NRCAM: variants seen among roughly 807,000 people sequenced by gnomAD.
NRCAM encodes the protein neuronal cell adhesion molecule.
NRCAM carries 83 observed loss-of-function variants against 156.5 expected under a neutral mutation model. That is an observed-to-expected ratio of 0.53 (90% CI 0.44 to 0.64). NRCAM has a LOEUF of 0.64. Ranked by LOEUF, NRCAM falls within the 30% of genes least tolerant of loss-of-function variation. The pLI is 0.00. For missense variants in NRCAM, 1,417 were observed against 1,597.3 expected (o/e 0.89, Z 1.92); for synonymous variants, 538 against 563.9 (o/e 0.95, Z 0.65).
chr7:108,182,045 T>C (rs1243452458), intron 23 of NRCAM, 108 bp from the exon 24 acceptor site: 1 of 718,280 alleles, frequency 1.4e-6, no homozygotes. Context: ...GCAGACCTAT[T>C]CTATGGATTA....
chr7:108,347,604 A>T (rs989786656), intron 2 of NRCAM, among the ~76,000 whole-genome samples: 7 of 152,212 alleles, frequency 4.6e-5, no homozygotes. Context: ...CCTTCTAAGG[A>T]TGTATATATT....
Position 108,148,753 on chromosome 7 carries a change from G to T in NRCAM, c.*1157C>A, listed in dbSNP as rs559845059. 1 of 152,516 alleles carries T rather than the reference G, an allele frequency of 6.6e-6. No individual in the cohort carries two copies. The highest frequency in any genetic ancestry group is 1.5e-5 in the Non-Finnish European group (1 of 68,024). 9.4% of individuals were successfully genotyped at this position (152,516 alleles called of 1,614,324 possible). ...ATGCTGTTGTATGCTTTTAGTGTTGGAATAACTTAGTTTTAAAATTAATTT... is the reference window on the plus strand; with the variant it reads ...ATGCTGTTGTATGCTTTTAGTGTTGTAATAACTTAGTTTTAAAATTAATTT... On this transcript the variant is annotated 3_prime_UTR_variant, in exon 33 of 33. Transcript: ENST00000379028.
At chr7:108,298,265 G>A (rs1329815010) in intron 3 of NRCAM, among the ~76,000 whole-genome samples, 1 of 151,984 alleles carries the variant, frequency 6.6e-6, no homozygotes, top group Non-Finnish European at 1.5e-5. Context: ...TAAGCAGGTG[G>A]GGGATATATG....
At chr7:108,186,586 A>G (rs1057321262) in intron 20 of NRCAM, among the ~76,000 whole-genome samples, 2 of 151,974 alleles carry the variant, frequency 1.3e-5, no homozygotes, top group Middle Eastern at 3.4e-3. Flanking sequence ...GTAGTTCCCA[A>G]ACTTTCTCGG....
At chr7:108,202,199 C>T (rs1313476524) in intron 13 of NRCAM, among the ~76,000 whole-genome samples, 2 of 152,104 alleles carry the variant, frequency 1.3e-5, no homozygotes, top group Non-Finnish European at 1.5e-5. Flanking sequence ...AAGATAAGGT[C>T]CAGAACTGGG....
chr7:108,207,308 A>T, intron 13 of NRCAM: 1 of 379,308 alleles, frequency 2.6e-6, no homozygotes, highest in Non-Finnish European at 4.7e-6. Context: ...ATTGCCAAGT[A>T]CCAGTCATCA....
chr7:108,182,090 T>G (rs868283088), intron 23 of NRCAM, among the ~76,000 whole-genome samples, 153 bp from the exon 24 acceptor site: 2 of 130,270 alleles, frequency 1.5e-5, no homozygotes, highest in African/African-American at 5.5e-5. Flanking sequence ...GGTATCTGTT[T>G]GACTTTGTGA....
At chr7:108,279,582 G>A (rs1403164873) in intron 3 of NRCAM, among the ~76,000 whole-genome samples, 3 of 151,798 alleles carry the variant, frequency 2.0e-5, no homozygotes, top group Non-Finnish European at 4.4e-5. Flanking sequence ...GCAGTGGTGC[G>A]ATAATAGCTC....
intron 2 of NRCAM, among the ~76,000 whole-genome samples, chr7:108,334,176 G>A (rs1467532899): frequency 6.6e-6 from 1 of 152,130 alleles, no homozygotes; most frequent in Non-Finnish European, 1.5e-5. Context: ...TTATGGATGT[G>A]CCATTACACA....
intron 2 of NRCAM, among the ~76,000 whole-genome samples, chr7:108,366,829 T>C (rs1479038222): frequency 1.3e-5 from 2 of 152,216 alleles, no homozygotes; most frequent in Admixed American, 6.5e-5. Flanking sequence ...CACCATACTA[T>C]ATTATAATGA....
intron 17 of NRCAM, among the ~76,000 whole-genome samples, chr7:108,193,298 G>C (rs929234167): frequency 6.6e-6 from 1 of 152,212 alleles, no homozygotes; most frequent in Non-Finnish European, 1.5e-5. Flanking sequence ...TCATTGACAA[G>C]CAACAGGGCA....
chr7:108,341,502 C>T (rs911782789), intron 2 of NRCAM, among the ~76,000 whole-genome samples: 2 of 152,164 alleles, frequency 1.3e-5, no homozygotes, highest in Non-Finnish European at 2.9e-5. Context: ...CCTGAAAGCC[C>T]CACTCCCTTG....
chr7:108,419,846 G>A (rs974102036), intron 1 of NRCAM, among the ~76,000 whole-genome samples: 1 of 152,180 alleles, frequency 6.6e-6, no homozygotes, highest in Admixed American at 6.5e-5. Flanking sequence ...GGGTGAGGGT[G>A]TCCAGTAGGC....
At chr7:108,199,523 G>A (rs1028362501) in intron 13 of NRCAM, among the ~76,000 whole-genome samples, 3 of 152,186 alleles carry the variant, frequency 2.0e-5, no homozygotes, top group Admixed American at 2.0e-4. Context: ...AAGGTTCTAG[G>A]GGAGAATCCA....
At chr7:108,327,702 A>T (rs987638254) in intron 2 of NRCAM, among the ~76,000 whole-genome samples, 3 of 152,122 alleles carry the variant, frequency 2.0e-5, no homozygotes, top group Admixed American at 6.5e-5. Context: ...GATATTTTTT[A>T]AAAAATGTGT....
chr7:108,311,328 G>A (rs906734474), intron 3 of NRCAM, among the ~76,000 whole-genome samples: 2 of 152,114 alleles, frequency 1.3e-5, no homozygotes, highest in Non-Finnish European at 2.9e-5. Flanking sequence ...CTGTCAGAAT[G>A]GATGGTACTT....
chr7:108,299,105 C>CAAA (rs1292917918), intron 3 of NRCAM, among the ~76,000 whole-genome samples: 12 of 16,962 alleles, frequency 7.1e-4, no homozygotes, highest in African/African-American at 1.4e-3. Flanking sequence ...GACTCCATCT[C>CAAA]AAAAAAAAAA....
At chr7:108,348,370 G>T (rs189834978) in intron 2 of NRCAM, among the ~76,000 whole-genome samples, 39 of 152,254 alleles carry the variant, frequency 2.6e-4, no homozygotes, top group African/African-American at 8.9e-4. Flanking sequence ...GCTGAGCCTG[G>T]GGGTTGTGAG....
intron 2 of NRCAM, among the ~76,000 whole-genome samples, chr7:108,368,232 C>CG (rs58646012): frequency 3.4e-5 from 3 of 89,136 alleles, no homozygotes; most frequent in Non-Finnish European, 6.9e-5. Flanking sequence ...ATACCCCCCC[C>CG]CACCCCCCCG....
Sources: allele counts gnomAD v4.1 joint callset (sites outside exome capture counted in the v4.1 genomes callset), GRCh38; gene constraint gnomAD v4.1.1; transcripts MANE v1.5; gene names NCBI Gene and HGNC (gene_info 2026-07-23, HGNC 2026-07-21).